The following FCHSD2 variants were observed in gnomAD, a reference collection of about 807,000 sequenced individuals.
FCHSD2 encodes FCH and double SH3 domains 2.
FCHSD2 carries 38 observed loss-of-function variants against 108.1 expected under a neutral mutation model. The observed-to-expected ratio is 0.35, with a 90% CI of 0.27 to 0.46. FCHSD2 has a LOEUF of 0.46. Ranked by LOEUF, FCHSD2 falls within the 20% of genes least tolerant of loss-of-function variation. The pLI is 1.00. For synonymous variants in FCHSD2, 279 were observed against 314.7 expected, an observed-to-expected ratio of 0.89 and a Z score of 1.20; for missense variants, 751 against 897.8, an observed-to-expected ratio of 0.84 and a Z score of 2.09.
intron 2 of FCHSD2, among the ~76,000 whole-genome samples, chr11:73,126,339 T>TAAAAA (rs61586562): frequency 0.044 from 1,195 of 27,332 alleles, 154 homozygotes; most frequent in East Asian, 0.055. Flanking sequence ...GATTCCATCT[T>TAAAAA]AAAAAAAAAA....
rs369546889 is a variant in FCHSD2 at position 73,141,935 on chromosome 11, G to A, written c.-58C>T. The stretch of plus-strand genomic sequence containing the variant: ...CAGCGTTAGCAAGGACCAGGAGGAG[G>A]AGGAGGGCCGGAGAGGAGGGGACGG... On this transcript the variant is annotated 5_prime_UTR_variant, in exon 1 of 20. Transcript: ENST00000409418. The A allele has an allele frequency of 2.9e-4, 433 of 1,517,460 alleles. No homozygotes were observed. In the African/African-American group the frequency reaches 5.3e-3, roughly 19 times the overall value. 94.0% of individuals were successfully genotyped at this position (1,517,460 alleles called of 1,614,324 possible).
intron 8 of FCHSD2, among the ~76,000 whole-genome samples, chr11:72,957,513 C>G (rs774655783): frequency 6.6e-6 from 1 of 150,652 alleles, no homozygotes; most frequent in African/African-American, 2.4e-5. Context: ...CTGAGGAACT[C>G]TTCTAGATTG....
chr11:73,136,173 A>G (rs907099849), intron 2 of FCHSD2, among the ~76,000 whole-genome samples: 1 of 151,640 alleles, frequency 6.6e-6, no homozygotes, highest in Admixed American at 6.6e-5. Context: ...AAGAAAAAAA[A>G]AAAAAGAAAG....
chr11:72,935,011 C>A (rs755794004), intron 8 of FCHSD2, among the ~76,000 whole-genome samples: 1 of 152,108 alleles, frequency 6.6e-6, no homozygotes, highest in Non-Finnish European at 1.5e-5. Context: ...ATTACCTCTG[C>A]CCTCTTTATT....
At chr11:73,054,642 G>A (rs890785613) in intron 3 of FCHSD2, among the ~76,000 whole-genome samples, 3 of 151,904 alleles carry the variant, frequency 2.0e-5, no homozygotes, top group Non-Finnish European at 4.4e-5. Context: ...AACAAACAGA[G>A]GGGGTGGAGG....
chr11:73,054,593 T>C (rs1247371287), intron 3 of FCHSD2, among the ~76,000 whole-genome samples: 1 of 143,896 alleles, frequency 6.9e-6, no homozygotes, highest in Non-Finnish European at 1.5e-5. Context: ...TAACAAGTAT[T>C]CCAACTACAG....
chr11:73,140,603 T>C (rs1373484853), intron 1 of FCHSD2, among the ~76,000 whole-genome samples: 1 of 152,192 alleles, frequency 6.6e-6, no homozygotes, highest in Non-Finnish European at 1.5e-5. Context: ...CATAAATTAC[T>C]CCATAATGGC....
intron 8 of FCHSD2, among the ~76,000 whole-genome samples, chr11:72,931,269 G>GA (rs1301899811): frequency 1.2e-3 from 37 of 30,824 alleles, no homozygotes; most frequent in Non-Finnish European, 2.1e-3. Context: ...TAATTTTTGT[G>GA]GGTTTTTTTT....
chr11:72,884,732 T>C (rs1322824757), intron 12 of FCHSD2, among the ~76,000 whole-genome samples: 1 of 151,984 alleles, frequency 6.6e-6, no homozygotes. Flanking sequence ...TAGCTGAGAC[T>C]ACAGGCACAT....
chr11:72,875,439 T>C (rs1425735152), intron 12 of FCHSD2, among the ~76,000 whole-genome samples: 1 of 152,198 alleles, frequency 6.6e-6, no homozygotes, highest in Non-Finnish European at 1.5e-5. Flanking sequence ...AATAGCTCAC[T>C]GTAACCTTGG....
intron 3 of FCHSD2, among the ~76,000 whole-genome samples, chr11:73,045,025 G>A (rs558466117): frequency 1.2e-3 from 173 of 148,782 alleles, no homozygotes; most frequent in African/African-American, 4.2e-3. Context: ...AGCCGAGATC[G>A]CTCCACTGCA....
At chr11:72,884,785 G>A (rs970345954) in intron 12 of FCHSD2, among the ~76,000 whole-genome samples, 1 of 151,922 alleles carries the variant, frequency 6.6e-6, no homozygotes, top group African/African-American at 2.4e-5. Flanking sequence ...TAACAGAGAC[G>A]ATGTCTCATC....
At chr11:72,842,896 T>G (rs1861005768) in intron 16 of FCHSD2, 55 bp from the exon 17 acceptor site, 3 of 1,355,756 alleles carry the variant, frequency 2.2e-6, no homozygotes, top group Non-Finnish European at 3.1e-6. Context: ...CGGTTGCTTT[T>G]GCAACCACCC....
chr11:73,024,597 T>C (rs1257002079), intron 3 of FCHSD2, among the ~76,000 whole-genome samples: 1 of 152,206 alleles, frequency 6.6e-6, no homozygotes. Context: ...TCAAGTTCAA[T>C]ATATATTTTG....
At position 72,838,493 on chromosome 11, in the gene FCHSD2, A is replaced by T; in HGVS notation, c.*298T>A. 1 of 438,908 alleles carries T rather than the reference A, an allele frequency of 2.3e-6. No individual in the cohort carries two copies. Among genetic ancestry groups the T allele is most frequent in the Non-Finnish European group, 4.2e-6 (1 of 237,590 alleles). The allele number at this position is 438,908 out of a possible 1,614,324, so 27.2% of individuals were successfully genotyped here. On this transcript the variant is annotated 3_prime_UTR_variant, in exon 20 of 20. Coordinates refer to ENST00000409418, the MANE Select transcript of FCHSD2 (RefSeq NM_014824.3). The stretch of plus-strand genomic sequence containing the variant: ...TGCCCTGGAATGAGGCCTGTTCTTG[A>T]GTCTCATATAAAAACAGACCACTGT...
chr11:73,116,225 G>C (rs1860597530), intron 2 of FCHSD2, among the ~76,000 whole-genome samples: 1 of 151,934 alleles, frequency 6.6e-6, no homozygotes, highest in Non-Finnish European at 1.5e-5. Flanking sequence ...AATTGTCCTT[G>C]AAGTTTTTAT....
intron 9 of FCHSD2, among the ~76,000 whole-genome samples, chr11:72,903,373 C>T (rs977933381): frequency 1.3e-5 from 2 of 152,170 alleles, no homozygotes; most frequent in East Asian, 1.9e-4. Context: ...CCCGCCACTG[C>T]GCCCAGCTAA....
chr11:73,109,232 T>C (rs974744104), intron 2 of FCHSD2, among the ~76,000 whole-genome samples: 6 of 152,230 alleles, frequency 3.9e-5, no homozygotes, highest in African/African-American at 1.4e-4. Flanking sequence ...ATATATATTT[T>C]AGAATTGCTT....
chr11:73,067,215 T>C (rs962329343), intron 3 of FCHSD2, among the ~76,000 whole-genome samples: 2 of 152,128 alleles, frequency 1.3e-5, no homozygotes, highest in South Asian at 2.1e-4. Context: ...ACCATCATTC[T>C]CAGCAAACTA....
Sources: gnomAD v4.1 joint callset for allele counts (sites outside exome capture counted in the v4.1 genomes callset) on GRCh38, gnomAD v4.1.1 for gene constraint, MANE v1.5 for transcripts, NCBI Gene and HGNC (gene_info 2026-07-23, HGNC 2026-07-21) for gene names.